The following CUL2 variants were observed in gnomAD, a reference collection of about 807,000 sequenced individuals.
CUL2 encodes cullin 2, also known as cullin-2.
Under a neutral mutation model 110.2 loss-of-function variants are expected in CUL2, and 22 were observed. The ratio of observed to expected loss-of-function variants is 0.20; its 90% CI spans 0.14 to 0.28. The LOEUF (loss-of-function observed/expected upper bound fraction) is 0.28. CUL2 is among the 10% of genes least tolerant of loss of function. The probability of loss-of-function intolerance (pLI) is 1.00; values close to 1 mark genes in which losing one functional copy is unlikely to be tolerated. For synonymous variants in CUL2, 279 were observed against 293.2 expected, an observed-to-expected ratio of 0.95 and a Z score of 0.49; for missense variants, 631 against 905.5, an observed-to-expected ratio of 0.70 and a Z score of 3.89.
At chr10:35,069,877 C>G (rs530246686) in intron 2 of CUL2, among the ~76,000 whole-genome samples, 1 of 152,204 alleles carries the variant, frequency 6.6e-6, no homozygotes, top group Admixed American at 6.5e-5. Flanking sequence ...CACTAACACA[C>G]AAGTAGCAAC....
At chr10:35,086,014 A>G (rs2087055737) in intron 1 of CUL2, among the ~76,000 whole-genome samples, 1 of 152,048 alleles carries the variant, frequency 6.6e-6, no homozygotes, top group African/African-American at 2.4e-5. Context: ...GAAAGTTGAA[A>G]AAGATAAAAA....
intron 5 of CUL2, among the ~76,000 whole-genome samples, chr10:35,051,091 G>T (rs756332152): frequency 9.2e-5 from 14 of 152,008 alleles, no homozygotes; most frequent in Middle Eastern, 3.2e-3. Context: ...TGAGACGGGC[G>T]GATCACGAGG....
At chr10:35,012,054 T>A in intron 19 of CUL2, 90 bp from the exon 20 acceptor site, 4 of 137,948 alleles carry the variant, frequency 2.9e-5, no homozygotes, top group East Asian at 2.0e-4. Flanking sequence ...GTGCAAATAC[T>A]TTTTTTTTTT....
intron 1 of CUL2, among the ~76,000 whole-genome samples, chr10:35,080,268 T>C (rs1244086095): frequency 6.6e-6 from 1 of 152,110 alleles, no homozygotes. Flanking sequence ...CATTTTCATC[T>C]TGCTGTATCA....
At chr10:35,056,604 G>A (rs1431964291) in intron 4 of CUL2, among the ~76,000 whole-genome samples, 1 of 152,058 alleles carries the variant, frequency 6.6e-6, no homozygotes, top group Non-Finnish European at 1.5e-5. Context: ...GTCAACATGA[G>A]GCACTGGAAA....
At chr10:35,120,417 G>C (rs1004367991) in intron 1 of CUL2, 10 of 152,098 alleles carry the variant, frequency 6.6e-5, no homozygotes, top group Admixed American at 2.6e-4. Context: ...ATACCTGGGT[G>C]TTGGGATGGC....
chr10:35,041,572 C>T (rs2085789223), intron 8 of CUL2, among the ~76,000 whole-genome samples: 1 of 152,160 alleles, frequency 6.6e-6, no homozygotes, highest in Non-Finnish European at 1.5e-5. Context: ...GGATCTCGCT[C>T]TCTGGCCCAG....
intron 5 of CUL2, among the ~76,000 whole-genome samples, chr10:35,052,457 C>G (rs1046962310): frequency 6.6e-6 from 1 of 152,132 alleles, no homozygotes; most frequent in Admixed American, 6.5e-5. Context: ...AAGAGATACA[C>G]ATAAATATAA....
At chr10:35,017,951 G>A (rs2085079214) in intron 17 of CUL2, among the ~76,000 whole-genome samples, 2 of 151,650 alleles carry the variant, frequency 1.3e-5, no homozygotes, top group Admixed American at 6.6e-5. Flanking sequence ...GTGGTTTGAC[G>A]ACTAACACAC....
At chr10:35,072,549 T>C (rs895105004) in intron 1 of CUL2, among the ~76,000 whole-genome samples, 2 of 152,112 alleles carry the variant, frequency 1.3e-5, no homozygotes, top group Admixed American at 6.5e-5. Flanking sequence ...TTTGTATTTT[T>C]AGTAGAGACG....
rs1324809132 is a variant in CUL2 at position 35,015,191 on chromosome 10, G to A, written c.1887+1001C>T. ...GCCTGTAGTCCCAGCTACTCAGGAG[G>A]CTGAGACAGGAGAATCATTTGAACC... is the stretch of plus-strand genomic sequence containing the variant. On this transcript the variant is annotated intron_variant, in intron 18 of 20. Coordinates refer to ENST00000374749, the MANE Select transcript of CUL2 (RefSeq NM_003591.4). Among the ~76,000 whole-genome samples the A allele has an allele frequency of 3.3e-5, 5 of 151,858 alleles. No homozygotes were observed. In the East Asian group the frequency reaches 9.7e-4, roughly 30 times the overall value.
At chr10:35,111,697 G>A (rs2087525990) in intron 1 of CUL2, among the ~76,000 whole-genome samples, 2 of 152,150 alleles carry the variant, frequency 1.3e-5, no homozygotes, top group South Asian at 4.1e-4. Flanking sequence ...AGACCAGCCT[G>A]GCCAACATGG....
chr10:35,072,543 T>C (rs942586060), intron 1 of CUL2, among the ~76,000 whole-genome samples: 1 of 152,146 alleles, frequency 6.6e-6, no homozygotes, highest in Admixed American at 6.5e-5. Flanking sequence ...TCATTTTTTG[T>C]ATTTTTAGTA....
chr10:35,039,070 A>G lies in CUL2; in HGVS notation c.727T>C (p.Leu243=), dbSNP rs770346123. The G allele has an allele frequency of 1.2e-6, 2 of 1,600,508 alleles. No homozygotes were observed. The highest frequency in any genetic ancestry group is 2.2e-5 in the East Asian group (1 of 44,620). ...SQYMEKVLGR[L]KDEEIRCRKY... ...CGACATCGAATTTCTTCATCTTTTA[A>G]TCTACCTAGAACCTATAAAAATATT... The change falls in exon 9 of 21, where the codon TTA becomes CTA. Residue 243 remains leucine (L), a synonymous_variant. Coordinates refer to ENST00000374749, the MANE Select transcript of CUL2 (RefSeq NM_003591.4).
In CUL2 at chr10:35,029,617, G is replaced by A. The variant is rs758398296; in HGVS notation, c.1410C>T (p.Thr470=). 7 of 1,589,394 alleles carry A rather than the reference G, an allele frequency of 4.4e-6. No homozygotes were observed. In the East Asian group the frequency reaches 1.4e-4, roughly 31 times the overall value. The part of the protein sequence containing the change: ...KLKQACGYEF[T]SKLHRMYTDM... ...CTGTATACATCCGATGTAGCTTGCT[G>A]GTAAACTCATAACCACAGGCTTGCT... The change falls in exon 15 of 21, where the codon ACC becomes ACT. Residue 470 remains threonine (T), a synonymous_variant. Transcript: ENST00000374749.
chr10:35,105,489 G>T (rs540632775), intron 1 of CUL2, among the ~76,000 whole-genome samples: 5 of 150,104 alleles, frequency 3.3e-5, no homozygotes, highest in Non-Finnish European at 5.9e-5. Context: ...CAGTAATCCC[G>T]CACTTTGGGA....
chr10:35,111,238 C>T (rs879200183), intron 1 of CUL2, among the ~76,000 whole-genome samples: 1 of 151,922 alleles, frequency 6.6e-6, no homozygotes, highest in African/African-American at 2.4e-5. Flanking sequence ...TTAAGAATCA[C>T]TCTTCTCTTA....
chr10:35,028,605 G>A (rs1160109235), intron 16 of CUL2, among the ~76,000 whole-genome samples: 2 of 152,162 alleles, frequency 1.3e-5, no homozygotes, highest in East Asian at 3.9e-4. Flanking sequence ...ACAAAGAACT[G>A]TATGACATTC....
intron 2 of CUL2, among the ~76,000 whole-genome samples, chr10:35,069,555 TA>T (rs75346430): frequency 2.7e-3 from 358 of 132,802 alleles, no homozygotes; most frequent in South Asian, 5.5e-3. Flanking sequence ...AAGTAAAAAT[TA>T]AAAAAAAAAA....
Sources: allele counts gnomAD v4.1 joint callset (sites outside exome capture counted in the v4.1 genomes callset), GRCh38; gene constraint gnomAD v4.1.1; transcripts MANE v1.5; gene names NCBI Gene and HGNC (gene_info 2026-07-23, HGNC 2026-07-21).